Variants in NSD1 observed in about 807,000 individuals in gnomAD.
NSD1 encodes the protein nuclear receptor binding SET domain protein 1.
A neutral mutation model predicts 242.7 loss-of-function variants in NSD1; 26 were observed. That is an observed-to-expected ratio of 0.11 (90% CI 0.08 to 0.15). The LOEUF is 0.15. NSD1 is among the 10% of genes least tolerant of loss of function. The probability of loss-of-function intolerance (pLI) is 1.00; values close to 1 mark genes in which losing one functional copy is unlikely to be tolerated. For missense variants in NSD1, 2,495 were observed against 3,272.8 expected, an observed-to-expected ratio of 0.76 and a Z score of 5.80; for synonymous variants, 1,106 against 1,178.1, an observed-to-expected ratio of 0.94 and a Z score of 1.25.
In NSD1 at chr5:177,269,722, C is replaced by T; in HGVS notation, c.5424C>T (p.His1808=). 2 of 1,614,040 alleles carry T rather than the reference C, an allele frequency of 1.2e-6. No homozygotes were observed. Among genetic ancestry groups the T allele is most frequent in the Non-Finnish European group, 1.7e-6 (2 of 1,180,016 alleles). ...FFGSNDYLWT[H]QARVFPYMEG... is the part of the protein sequence containing the mutation. Reference sequence around the variant, plus strand: ...GATCTAATGACTATTTGTGGACTCACCAGGCCCGAGTCTTCCCTTACATGG... The same window carrying T: ...GATCTAATGACTATTTGTGGACTCATCAGGCCCGAGTCTTCCCTTACATGG... Residue 1808 remains histidine (H), a synonymous_variant, in exon 16 of 23, where the codon CAC becomes CAT. Transcript: ENST00000439151. The surrounding 1 kb of genome is among the most constrained non-coding windows in gnomAD (Gnocchi z 5.1).
chr5:177,203,737 A>G (rs1464405089), intron 3 of NSD1, among the ~76,000 whole-genome samples: 2 of 151,250 alleles, frequency 1.3e-5, no homozygotes, highest in South Asian at 4.2e-4. Flanking sequence ...TTTTGTATAT[A>G]TATTTTTGTT....
intron 17 of NSD1, among the ~76,000 whole-genome samples, chr5:177,278,084 C>T (rs1241303775): frequency 1.3e-5 from 2 of 152,146 alleles, no homozygotes; most frequent in African/African-American, 4.8e-5. Context: ...GGGGATATTT[C>T]TCCATTAGCA....
At chr5:177,249,045 T>C (rs926705813) in intron 11 of NSD1, among the ~76,000 whole-genome samples, 5 of 152,236 alleles carry the variant, frequency 3.3e-5, no homozygotes, top group Non-Finnish European at 5.9e-5. Flanking sequence ...TTGGATTGCC[T>C]CTCTGTGAGA....
intron 2 of NSD1, among the ~76,000 whole-genome samples, chr5:177,179,237 C>T (rs955645001): frequency 6.6e-6 from 1 of 151,988 alleles, no homozygotes; most frequent in African/African-American, 2.4e-5. Context: ...TTTTTTGAGA[C>T]AGAGTTTCAC....
chr5:177,161,794 C>G (rs2149789778), intron 2 of NSD1, among the ~76,000 whole-genome samples: 1 of 151,182 alleles, frequency 6.6e-6, no homozygotes, highest in South Asian at 2.1e-4. Context: ...TTCTCCTCCT[C>G]TAGCCTCCTC....
At chr5:177,293,049 G>A (rs868821531) in intron 22 of NSD1, among the ~76,000 whole-genome samples, 1 of 152,190 alleles carries the variant, frequency 6.6e-6, no homozygotes, top group South Asian at 2.1e-4. Context: ...TGAGGGCAAG[G>A]CCATCACATT....
intron 8 of NSD1, among the ~76,000 whole-genome samples, chr5:177,242,500 C>T (rs1765951996): frequency 1.9e-5 from 2 of 105,894 alleles, no homozygotes; most frequent in Admixed American, 1.0e-4. Flanking sequence ...AACTCTACAA[C>T]AAAAATGGCC....
chr5:177,167,258 C>T (rs527331947), intron 2 of NSD1, among the ~76,000 whole-genome samples: 30 of 150,614 alleles, frequency 2.0e-4, no homozygotes, highest in Admixed American at 1.2e-3. Flanking sequence ...TGAATATGGC[C>T]GGGTGTGGTG....
At chr5:177,291,834 A>G in intron 21 of NSD1, 120 bp from the exon 22 acceptor site, 3 of 993,602 alleles carry the variant, frequency 3.0e-6, no homozygotes, top group Non-Finnish European at 4.7e-6. Context: ...CCTGCATTTT[A>G]TCTTCATGAC....
At position 177,211,018 on chromosome 5, in the gene NSD1, T is replaced by G. The variant is rs772074038; in HGVS notation, c.2619T>G (p.Gly873=). Residue 873 remains glycine, a synonymous_variant, in exon 5 of 23, where the codon GGT becomes GGG. Coordinates refer to ENST00000439151, the MANE Select transcript of NSD1 (RefSeq NM_022455.5). ...ELKELSYRSL[G]EDVSDSGTSK... ...AGGAACTCTCTTACAGATCCTTAGG[T>G]GAGGATGTCAGTGACTCTGGAACAT... The G allele has an allele frequency of 6.2e-7, 1 of 1,614,164 alleles. No individual in the cohort carries two copies. The highest frequency in any genetic ancestry group is 8.5e-7 in the Non-Finnish European group (1 of 1,180,010).
rs1487096029 is a variant in NSD1 at position 177,134,493 on chromosome 5, C to T, written c.-18+541C>T. On this transcript the variant is annotated intron_variant, in intron 1 of 22. Coordinates refer to ENST00000439151, the MANE Select transcript of NSD1 (RefSeq NM_022455.5). This position sits in a 1 kb window ranked among gnomAD's most constrained non-coding sequence, Gnocchi z 4.2. ...CTCTGCCGGGTCCAGGCCTCTTCGC[C>T]CTGCAGCTGCGGATCCAGCAGGCCT... Among the ~76,000 whole-genome samples the T allele has an allele frequency of 6.6e-6, 1 of 152,172 alleles. No homozygotes were observed. Among genetic ancestry groups the T allele is most frequent in the Non-Finnish European group, 1.5e-5 (1 of 68,028 alleles).
rs1231700818 is a variant in NSD1, at chr5:177,280,840, A to G, written c.5892+6A>G. On this transcript the variant is annotated splice_donor_region_variant and intron_variant, in intron 18 of 22. Transcript: ENST00000439151. ...CAAAAACAGATATTAAAAAGGTTAG[A>G]AAAAGCTAAATTACCATATACTTTC... 8 of 1,614,144 alleles carry G rather than the reference A, an allele frequency of 5.0e-6. No homozygotes were observed. The East Asian group carries it at 6.7e-5, about 13-fold the overall frequency.
chr5:177,224,765 A>G (rs1446946406), intron 5 of NSD1, among the ~76,000 whole-genome samples: 3 of 151,472 alleles, frequency 2.0e-5, no homozygotes, highest in Non-Finnish European at 2.9e-5. Context: ...CTTGTTTTTG[A>G]TGTTAGGAGG....
intron 5 of NSD1, among the ~76,000 whole-genome samples, chr5:177,215,918 T>C (rs1763734867): frequency 1.3e-5 from 2 of 152,220 alleles, no homozygotes; most frequent in Non-Finnish European, 2.9e-5. Flanking sequence ...TGGAATACAG[T>C]GGTGCAGTTA....
chr5:177,269,479 C>G lies in NSD1; in HGVS notation c.5304-123C>G. ...TGTTCTAGTTAGGTTGTAAGAATGC[C>G]GTAAGATGGACTTTAATGTGGACAG... is the stretch of plus-strand genomic sequence containing the variant. On this transcript the variant is annotated intron_variant, in intron 15 of 22. Transcript: ENST00000439151. This position sits in a 1 kb window ranked among gnomAD's most constrained non-coding sequence, Gnocchi z 5.1. 1.2e-6 allele frequency: 1 copy of G among 853,282 alleles called. No individual in the cohort carries two copies. Among genetic ancestry groups the G allele is most frequent in the Non-Finnish European group, 1.9e-6 (1 of 520,180 alleles). The allele number at this position is 853,282 out of a possible 1,614,324, so 52.9% of individuals were successfully genotyped here.
intron 8 of NSD1, among the ~76,000 whole-genome samples, chr5:177,242,236 G>A (rs1039634828): frequency 2.6e-5 from 4 of 151,984 alleles, no homozygotes; most frequent in African/African-American, 9.7e-5. Context: ...GTTAAACAAT[G>A]AACTAATTTG....
chr5:177,233,461 T>C (rs940824845), intron 5 of NSD1, among the ~76,000 whole-genome samples: 1 of 151,524 alleles, frequency 6.6e-6, no homozygotes, highest in Non-Finnish European at 1.5e-5. Flanking sequence ...CTCTGCCTCC[T>C]GGGTTTAAGT....
chr5:177,158,009 G>A (rs1250916719), intron 2 of NSD1, among the ~76,000 whole-genome samples: 1 of 152,160 alleles, frequency 6.6e-6, no homozygotes, highest in African/African-American at 2.4e-5. Flanking sequence ...TCACTTGACG[G>A]ACATTTTGTT....
chr5:177,295,055 G>T lies in NSD1; in HGVS notation c.7687G>T (p.Ala2563Ser). 6.2e-7 allele frequency: 1 copy of T among 1,613,634 alleles called. No homozygotes were observed. Among genetic ancestry groups the T allele is most frequent in the Non-Finnish European group, 8.5e-7 (1 of 1,179,796 alleles). The change falls in exon 23 of 23, where the codon GCT (alanine) becomes TCT (serine). Residue 2563 changes from alanine (A) to serine (S), a missense_variant. Ala to Ser is a moderately conservative substitution (Grantham distance 99, BLOSUM62 1). This residue lies in a region of NSD1 where 475 missense variants were observed against 563.7 expected (regional missense o/e 0.84). Transcript: ENST00000439151. This position sits in a 1 kb window ranked among gnomAD's most constrained non-coding sequence, Gnocchi z 4.3. ...GGCCTCAGGAAGAGCTTCTGCAGGG[G>T]CTGAGCAGACCCCAGGGCCTCTTAG... ...TQASGRASAGAEQTPGPLSQS... is the reference protein window; with the variant it reads ...TQASGRASAGSEQTPGPLSQS...
Sources: gnomAD v4.1 joint callset for allele counts (sites outside exome capture counted in the v4.1 genomes callset) on GRCh38, gnomAD v4.1.1 for gene constraint, gnomAD v4.1.1 regional missense constraint, Gnocchi (gnomAD v3.1) non-coding constraint, MANE v1.5 for transcripts, NCBI Gene and HGNC (gene_info 2026-07-23, HGNC 2026-07-21) for gene names.